Variants in KAZN observed in about 807,000 individuals in gnomAD.
KAZN encodes the protein kazrin, periplakin interacting protein, also known as kazrin.
A neutral mutation model predicts 87.4 loss-of-function variants in KAZN; 40 were observed. The ratio of observed to expected loss-of-function variants is 0.46; its 90% CI spans 0.36 to 0.60. The LOEUF is 0.60. Ranked by LOEUF, KAZN falls within the 20% of genes least tolerant of loss-of-function variation. KAZN has a pLI of 0.00. For missense variants in KAZN, 898 were observed against 1,073.9 expected (o/e 0.84, Z 2.29); for synonymous variants, 466 against 458.3 (o/e 1.02, Z -0.22).
At chr1:13,897,853 C>T (rs1353385447) in intron 1 of KAZN, among the ~76,000 whole-genome samples, 1 of 152,200 alleles carries the variant, frequency 6.6e-6, no homozygotes, top group Non-Finnish European at 1.5e-5. Context: ...CACCTTCCTC[C>T]CTCTCCAGGT....
At chr1:14,799,218 C>T (rs1287108217) in intron 1 of KAZN, among the ~76,000 whole-genome samples, 4 of 152,260 alleles carry the variant, frequency 2.6e-5, no homozygotes, top group Non-Finnish European at 5.9e-5. Context: ...CTTAATACTA[C>T]TTTACATCTC....
intron 1 of KAZN, among the ~76,000 whole-genome samples, chr1:13,969,192 T>G (rs1318035406): frequency 6.6e-6 from 1 of 152,186 alleles, no homozygotes; most frequent in Non-Finnish European, 1.5e-5. Context: ...GGTTAAAGTG[T>G]GTCCCTGAAA....
At chr1:14,684,256 C>T (rs562787263) in intron 1 of KAZN, among the ~76,000 whole-genome samples, 1 of 152,276 alleles carries the variant, frequency 6.6e-6, no homozygotes, top group African/African-American at 2.4e-5. Flanking sequence ...GTGGAATCAG[C>T]GTTGGGGCTG....
intron 2 of KAZN, among the ~76,000 whole-genome samples, chr1:14,982,007 G>A (rs964010087): frequency 3.9e-5 from 6 of 152,288 alleles, no homozygotes; most frequent in Middle Eastern, 3.4e-3. Flanking sequence ...TCTAAATGAG[G>A]CTGTCCCCTG....
intron 2 of KAZN, among the ~76,000 whole-genome samples, chr1:14,341,252 G>A (rs1423956512): frequency 1.3e-5 from 2 of 152,070 alleles, no homozygotes; most frequent in Non-Finnish European, 2.9e-5. Context: ...AAAAAGATTA[G>A]GCACTCATCT....
At chr1:14,648,071 G>C (rs1680943454) in intron 1 of KAZN, among the ~76,000 whole-genome samples, 1 of 152,170 alleles carries the variant, frequency 6.6e-6, no homozygotes, top group African/African-American at 2.4e-5. Context: ...AACTTTTTCA[G>C]TTTAACTCTC....
At chr1:15,063,548 C>T (rs1489895158) in intron 6 of KAZN, 24 bp from the exon 7 acceptor site, 2 of 1,610,160 alleles carry the variant, frequency 1.2e-6, no homozygotes, top group Non-Finnish European at 8.5e-7. Flanking sequence ...GCTGTTTCAT[C>T]TTCCTCTTCT....
upstream of KAZN, among the ~76,000 whole-genome samples, chr1:14,597,913 G>A (rs1216405210): frequency 3.3e-5 from 5 of 152,166 alleles, no homozygotes; most frequent in Non-Finnish European, 7.4e-5. Context: ...TCTGTGAAGA[G>A]GGGATGGGTA....
chr1:14,920,276 GTTTT>G (rs55641056), intron 1 of KAZN, among the ~76,000 whole-genome samples: 2 of 94,154 alleles, frequency 2.1e-5, no homozygotes, highest in Non-Finnish European at 4.0e-5. Flanking sequence ...CCTCTTTTCT[GTTTT>G]TTTTTTTTTT....
At chr1:13,990,195 AAC>A (rs1320570599) in intron 1 of KAZN, among the ~76,000 whole-genome samples, 3 of 152,198 alleles carry the variant, frequency 2.0e-5, no homozygotes, top group African/African-American at 7.2e-5. Context: ...GAGAAATGAA[AAC>A]ACACATCTAT....
intron 1 of KAZN, among the ~76,000 whole-genome samples, chr1:14,096,587 C>T (rs1341977168): frequency 1.3e-5 from 2 of 152,200 alleles, no homozygotes; most frequent in East Asian, 3.8e-4. Flanking sequence ...GGAGAATTGA[C>T]ATTTATTGAG....
At chr1:14,542,435 A>G (rs1158517281) in intron 2 of KAZN, among the ~76,000 whole-genome samples, 1 of 152,102 alleles carries the variant, frequency 6.6e-6, no homozygotes, top group East Asian at 1.9e-4. Context: ...CCTAAAACTT[A>G]AAGTGTAATA....
chr1:14,385,472 A>C (rs1434870663), intron 2 of KAZN, among the ~76,000 whole-genome samples: 1 of 151,586 alleles, frequency 6.6e-6, no homozygotes, highest in Non-Finnish European at 1.5e-5. Flanking sequence ...TTCCCTCCAC[A>C]CACTGCTTTG....
chr1:14,759,925 C>T (rs183111366), intron 1 of KAZN, among the ~76,000 whole-genome samples: 59 of 152,264 alleles, frequency 3.9e-4, no homozygotes, highest in Non-Finnish European at 2.5e-4. Context: ...TTCCAGGACT[C>T]TCCCTTTGCC....
Position 14,383,962 on chromosome 1 carries a change from C to T in KAZN, c.249+203370C>T, listed in dbSNP as rs1661625742. 3.3e-5 allele frequency among the ~76,000 whole-genome samples: 5 copies of T among 152,112 alleles called. No individual in the cohort carries two copies. The South Asian group carries it at 1.0e-3, about 32-fold the overall frequency. On this transcript the variant is annotated intron_variant, in intron 2 of 16. Coordinates refer to the KAZN transcript ENST00000636203. Reference sequence around the variant, plus strand: ...CTACCCATGAGCATGGAATGTTCTTCCATTTGTTTGTATCCTCTTTTATTT... The same window carrying T: ...CTACCCATGAGCATGGAATGTTCTTTCATTTGTTTGTATCCTCTTTTATTT...
chr1:14,145,619 C>T (rs1481145642), intron 1 of KAZN, among the ~76,000 whole-genome samples: 9 of 150,798 alleles, frequency 6.0e-5, no homozygotes, highest in Non-Finnish European at 8.8e-5. Context: ...TTTGCTCTGT[C>T]GTCCAGGCTG....
At position 14,758,077 on chromosome 1, in the gene KAZN, C is replaced by CTTTG. The variant is rs201431027; in HGVS notation, c.226+158878_226+158881dup. ...TGGAATGGACTTCACTGCCTCTTGA[C>CTTTG]TTTGTTTGTTTGTTTGTTTGTTTGT... On this transcript the variant is annotated intron_variant, in intron 1 of 14. Coordinates refer to ENST00000376030, the MANE Select transcript of KAZN (RefSeq NM_201628.3). Among the ~76,000 whole-genome samples the CTTTG allele has an allele frequency of 3.3e-3, 499 of 151,718 alleles. 1 individual carries two copies. Among genetic ancestry groups the CTTTG allele is most frequent in the African/African-American group, 9.3e-3 (382 of 41,224 alleles).
chr1:14,441,652 A>G (rs1025468144), intron 2 of KAZN, among the ~76,000 whole-genome samples: 4 of 152,182 alleles, frequency 2.6e-5, no homozygotes, highest in Non-Finnish European at 5.9e-5. Flanking sequence ...AGAGGATTAA[A>G]ATTTTTTGGT....
At chr1:14,589,331 TAA>T (rs33992055) in intron 2 of KAZN, among the ~76,000 whole-genome samples, 103,964 of 146,794 alleles carry the variant, frequency 0.71, 37,489 homozygotes, top group Non-Finnish European at 0.81. Flanking sequence ...ACAAGGCAGG[TAA>T]AAAAAAAAAA....
Sources: gnomAD v4.1 joint callset for allele counts (sites outside exome capture counted in the v4.1 genomes callset) on GRCh38, gnomAD v4.1.1 for gene constraint, MANE v1.5 for transcripts, NCBI Gene and HGNC (gene_info 2026-07-23, HGNC 2026-07-21) for gene names.